ITGA9: variants seen among roughly 807,000 people sequenced by gnomAD.
The protein encoded by ITGA9 is integrin alpha-9.
ITGA9 carries 56 observed loss-of-function variants against 127.8 expected under a neutral mutation model. The observed-to-expected ratio is 0.44, with a 90% CI of 0.35 to 0.55. ITGA9 has a LOEUF of 0.55. Among genes scored for constraint, ITGA9 ranks in the 20% least tolerant of loss-of-function variants. The pLI, the probability that ITGA9 is intolerant of heterozygous loss-of-function variation, is 0.00. For missense variants in ITGA9, 1,196 were observed against 1,347.1 expected (o/e 0.89, Z 1.76); for synonymous variants, 508 against 514.5 (o/e 0.99, Z 0.17).
intron 17 of ITGA9, among the ~76,000 whole-genome samples, chr3:37,669,640 A>G (rs1398684073): frequency 6.6e-6 from 1 of 152,164 alleles, no homozygotes; most frequent in Non-Finnish European, 1.5e-5. Flanking sequence ...TTAGTGGGAG[A>G]GAAAAAAAAA....
At position 37,763,852 on chromosome 3, in the gene ITGA9, T is replaced by G. The variant is rs557882969; in HGVS notation, c.2541+13283T>G. ...TCCTCGCCTTCACCCTCAATTTTTT[T>G]TGTGGAAATTCAATGGTTGACTGTA... On this transcript the variant is annotated intron_variant, in intron 23 of 27. Transcript: ENST00000264741. Among the ~76,000 whole-genome samples the G allele has an allele frequency of 9.8e-5, 15 of 152,306 alleles. No individual in the cohort carries two copies. The South Asian group carries it at 2.7e-3, about 27-fold the overall frequency.
chr3:37,620,255 G>T (rs1451727112), intron 15 of ITGA9, among the ~76,000 whole-genome samples: 1 of 152,142 alleles, frequency 6.6e-6, no homozygotes, highest in Non-Finnish European at 1.5e-5. Context: ...TGTCACCCAA[G>T]GGCAGTTCTC....
intron 15 of ITGA9, among the ~76,000 whole-genome samples, chr3:37,624,630 C>G (rs1270773406): frequency 6.6e-6 from 1 of 152,092 alleles, no homozygotes; most frequent in African/African-American, 2.4e-5. Context: ...ATTTTTGAGA[C>G]AGAGTCTTGC....
chr3:37,506,014 G>C lies in ITGA9; in HGVS notation c.757G>C (p.Ala253Pro). Residue 253 changes from alanine (A) to proline (P), a missense_variant, in exon 7 of 28, where the codon GCT (alanine) becomes CCT (proline). Ala to Pro is a conservative substitution (Grantham distance 27). Coordinates refer to ENST00000264741, the MANE Select transcript of ITGA9 (RefSeq NM_002207.3). ...ATCCTGTTCAGGCTACGCAGTGACC[G>C]CTGGCCACTTCTCTCACCCGTCCAC... is the stretch of plus-strand genomic sequence containing the variant. ...RYTYLGYAVTAGHFSHPSTID... is the reference protein window; with the variant it reads ...RYTYLGYAVTPGHFSHPSTID... 6.2e-7 allele frequency: 1 copy of C among 1,606,794 alleles called. No homozygotes were observed. The highest frequency in any genetic ancestry group is 8.5e-7 in the Non-Finnish European group (1 of 1,176,718).
At chr3:37,561,650 G>A (rs533590058) in intron 15 of ITGA9, among the ~76,000 whole-genome samples, 2 of 152,300 alleles carry the variant, frequency 1.3e-5, no homozygotes, top group South Asian at 4.1e-4. Flanking sequence ...AAAGCCTGGT[G>A]GGATCACAGG....
rs554362639 is a variant in ITGA9, at chr3:37,670,402, A to T, written c.1917-13463A>T. Among the ~76,000 whole-genome samples the T allele has an allele frequency of 5.9e-5, 9 of 152,248 alleles. No homozygotes were observed. The South Asian group carries it at 1.9e-3, about 32-fold the overall frequency. On this transcript the variant is annotated intron_variant, in intron 17 of 27. Coordinates refer to ENST00000264741, the MANE Select transcript of ITGA9 (RefSeq NM_002207.3). ...CTCAGTCCCTACCACTCACCTTCCC[A>T]TAGGACAGGTGTTCTTAACCTGGAG... is the stretch of plus-strand genomic sequence containing the variant.
chr3:37,603,545 G>C (rs781413673), intron 15 of ITGA9, among the ~76,000 whole-genome samples: 3 of 152,162 alleles, frequency 2.0e-5, no homozygotes, highest in African/African-American at 7.2e-5. Flanking sequence ...TCTCCCGTCA[G>C]GTTATAATAG....
At position 37,627,979 on chromosome 3, in the gene ITGA9, A is replaced by G. The variant is rs907279859; in HGVS notation, c.1690-1208A>G. Among the ~76,000 whole-genome samples the G allele has an allele frequency of 3.3e-5, 5 of 152,114 alleles. No homozygotes were observed. The South Asian group carries it at 6.2e-4, about 19-fold the overall frequency. On this transcript the variant is annotated intron_variant, in intron 15 of 27. Coordinates refer to ENST00000264741, the MANE Select transcript of ITGA9 (RefSeq NM_002207.3). ...TGGGTGTCGGGGAGGGGTGGGAGCAAATTCCTCCCCGTGTGCCTCCTGGGG... is the reference window on the plus strand; with the variant it reads ...TGGGTGTCGGGGAGGGGTGGGAGCAGATTCCTCCCCGTGTGCCTCCTGGGG...
At chr3:37,709,617 C>T (rs1000291400) in intron 18 of ITGA9, among the ~76,000 whole-genome samples, 8 of 152,188 alleles carry the variant, frequency 5.3e-5, no homozygotes, top group Non-Finnish European at 7.3e-5. Flanking sequence ...GGCAGATGGG[C>T]GGGTGTGACT....
intron 1 of ITGA9, among the ~76,000 whole-genome samples, chr3:37,465,593 G>T (rs992307318): frequency 6.6e-6 from 1 of 152,196 alleles, no homozygotes; most frequent in Non-Finnish European, 1.5e-5. Flanking sequence ...ATGAACCGAT[G>T]CACCCACACT....
chr3:37,641,180 C>A (rs1700329491), intron 16 of ITGA9, among the ~76,000 whole-genome samples: 1 of 152,180 alleles, frequency 6.6e-6, no homozygotes, highest in Non-Finnish European at 1.5e-5. Flanking sequence ...GGGCAGCGGG[C>A]CAGCGAGTGT....
chr3:37,764,086 A>T (rs2125544045), intron 23 of ITGA9, among the ~76,000 whole-genome samples: 1 of 152,266 alleles, frequency 6.6e-6, no homozygotes, highest in East Asian at 1.9e-4. Context: ...CCTTGTTATG[A>T]CTATCCACAA....
intron 25 of ITGA9, among the ~76,000 whole-genome samples, chr3:37,784,309 G>T (rs1697013096): frequency 6.6e-6 from 1 of 152,138 alleles, no homozygotes; most frequent in Non-Finnish European, 1.5e-5. Flanking sequence ...CTGGATCAGT[G>T]TCTTTGAATC....
intron 18 of ITGA9, among the ~76,000 whole-genome samples, chr3:37,715,511 A>G (rs1219758183): frequency 6.6e-6 from 1 of 152,200 alleles, no homozygotes; most frequent in Non-Finnish European, 1.5e-5. Flanking sequence ...CATTCCCTGG[A>G]GGCTGGTTTG....
At chr3:37,542,220 G>A (rs989463091) in intron 14 of ITGA9, among the ~76,000 whole-genome samples, 4 of 152,142 alleles carry the variant, frequency 2.6e-5, no homozygotes, top group African/African-American at 9.7e-5. Context: ...GAAAGGCAGA[G>A]GACATCATGC....
In ITGA9 at chr3:37,774,613, G is replaced by C. The variant is rs766148667; in HGVS notation, c.2542-2779G>C. 3.8e-4 allele frequency among the ~76,000 whole-genome samples: 57 copies of C among 151,658 alleles called. 1 individual carries two copies. The highest frequency in any genetic ancestry group is 6.2e-4 in the Non-Finnish European group (42 of 67,956). On this transcript the variant is annotated intron_variant, in intron 23 of 27. Coordinates refer to ENST00000264741, the MANE Select transcript of ITGA9 (RefSeq NM_002207.3). ...GTGGTGGCATGTGCCTATAGTCCCA[G>C]CTACTCAGGAGGCTGAGGAAGGAGG...
chr3:37,681,487 T>C (rs1700734302), intron 17 of ITGA9, among the ~76,000 whole-genome samples: 1 of 152,130 alleles, frequency 6.6e-6, no homozygotes, highest in Non-Finnish European at 1.5e-5. Flanking sequence ...ACCCTAGTGA[T>C]CAAGAAGAGG....
intron 15 of ITGA9, chr3:37,573,255 A>G (rs1465627383): frequency 6.6e-6 from 1 of 152,070 alleles, no homozygotes; most frequent in Non-Finnish European, 1.5e-5. Context: ...CAGGGACCAC[A>G]TTGTTCCCAG....
intron 15 of ITGA9, among the ~76,000 whole-genome samples, chr3:37,604,758 G>A (rs1227758283): frequency 6.6e-6 from 1 of 152,144 alleles, no homozygotes; most frequent in Non-Finnish European, 1.5e-5. Context: ...ACCCCTTTAA[G>A]ACCCTAAAGG....
Sources: gnomAD v4.1 joint callset for allele counts (sites outside exome capture counted in the v4.1 genomes callset) on GRCh38, gnomAD v4.1.1 for gene constraint, MANE v1.5 for transcripts, NCBI Gene and HGNC (gene_info 2026-07-23, HGNC 2026-07-21) for gene names.